The following EYS variants were observed in gnomAD, a reference collection of about 807,000 sequenced individuals.
The protein encoded by EYS is EGF-like photoreceptor maintenance factor.
A neutral mutation model predicts 282.1 loss-of-function variants in EYS; 250 were observed. The observed-to-expected ratio is 0.89, with a 90% confidence interval of 0.80 to 0.98. EYS has a LOEUF of 0.98. EYS is among the 50% of genes least tolerant of loss of function. EYS has a pLI of 0.00. For missense variants in EYS, 4,016 were observed against 3,709.0 expected (o/e 1.08, Z -2.15); for synonymous variants, 1,355 against 1,282.9 (o/e 1.06, Z -1.20).
Position 65,086,328 on chromosome 6 carries a change from TA to T in EYS, c.2024-28602del, listed in dbSNP as rs368439314. Among the ~76,000 whole-genome samples the T allele has an allele frequency of 7.2e-4, 105 of 146,816 alleles. 1 individual carries two copies. The highest frequency in any genetic ancestry group is 2.1e-3 in the African/African-American group (86 of 40,244). On this transcript the variant is annotated intron_variant, in intron 12 of 42. Transcript: ENST00000503581. ...GAGACTCCATCTCAAAAAAACTAAA[TA>T]AAAAAAAAAGAAGACTACAGCTTAC... is the stretch of plus-strand genomic sequence containing the variant.
At chr6:65,265,831 T>C (rs1387051379) in intron 12 of EYS, among the ~76,000 whole-genome samples, 1 of 151,956 alleles carries the variant, frequency 6.6e-6, no homozygotes, top group Non-Finnish European at 1.5e-5. Context: ...TTAAGCCATT[T>C]AACCTAGGAT....
chr6:63,874,908 C>A (rs1461564148), intron 35 of EYS, among the ~76,000 whole-genome samples: 1 of 152,158 alleles, frequency 6.6e-6, no homozygotes, highest in Non-Finnish European at 1.5e-5. Context: ...ACAATCATGT[C>A]ATCTGCAAAC....
chr6:63,745,185 G>C (rs1769182879), intron 41 of EYS, among the ~76,000 whole-genome samples: 1 of 152,212 alleles, frequency 6.6e-6, no homozygotes, highest in Non-Finnish European at 1.5e-5. Flanking sequence ...GTGGACAAGA[G>C]AGAAGCCTAG....
At chr6:65,083,347 A>T (rs1023841036) in intron 12 of EYS, among the ~76,000 whole-genome samples, 1 of 151,998 alleles carries the variant, frequency 6.6e-6, no homozygotes, top group Non-Finnish European at 1.5e-5. Flanking sequence ...TCAATTGGCT[A>T]TACAACCTAG....
intron 2 of EYS, among the ~76,000 whole-genome samples, chr6:65,571,626 T>A (rs1275476599): frequency 6.6e-6 from 1 of 152,048 alleles, no homozygotes; most frequent in Non-Finnish European, 1.5e-5. Flanking sequence ...GGGTAACATA[T>A]TCTGATCCAC....
chr6:65,281,376 A>G (rs993995856), intron 12 of EYS, among the ~76,000 whole-genome samples: 1 of 152,150 alleles, frequency 6.6e-6, no homozygotes, highest in African/African-American at 2.4e-5. Flanking sequence ...ATTTCCTTTT[A>G]TAACTCACAA....
At chr6:64,575,471 A>G (rs1241377859) in intron 26 of EYS, among the ~76,000 whole-genome samples, 1 of 152,144 alleles carries the variant, frequency 6.6e-6, no homozygotes, top group Non-Finnish European at 1.5e-5. Context: ...AGACAGCTTC[A>G]TGGCAGAAGC....
At chr6:65,039,678 C>A (rs1583424938) in intron 13 of EYS, among the ~76,000 whole-genome samples, 1 of 151,352 alleles carries the variant, frequency 6.6e-6, no homozygotes, top group East Asian at 1.9e-4. Context: ...AAAATATTAA[C>A]CATAAATATT....
intron 2 of EYS, among the ~76,000 whole-genome samples, chr6:65,517,998 T>A (rs1479841438): frequency 1.3e-5 from 2 of 152,008 alleles, no homozygotes; most frequent in African/African-American, 4.8e-5. Flanking sequence ...ATTAACGACA[T>A]GATTCTTAAT....
chr6:63,817,453 TG>T (rs756190693), intron 36 of EYS, among the ~76,000 whole-genome samples: 7 of 152,262 alleles, frequency 4.6e-5, no homozygotes, highest in Admixed American at 6.5e-5. Flanking sequence ...ACGGGTAGCT[TG>T]GGGACCTGTT....
At chr6:64,970,547 G>C (rs1303287270) in intron 14 of EYS, among the ~76,000 whole-genome samples, 1 of 152,122 alleles carries the variant, frequency 6.6e-6, no homozygotes, top group East Asian at 1.9e-4. Flanking sequence ...GTGATCCCAA[G>C]TGTTATGAGT....
intron 12 of EYS, among the ~76,000 whole-genome samples, chr6:65,096,222 T>C (rs1774736089): frequency 6.6e-6 from 1 of 150,772 alleles, no homozygotes; most frequent in Admixed American, 6.6e-5. Context: ...AACAAACTAA[T>C]AATGAAATTA....
intron 19 of EYS, among the ~76,000 whole-genome samples, chr6:64,846,004 T>C (rs1291369390): frequency 1.3e-5 from 2 of 152,070 alleles, no homozygotes; most frequent in Middle Eastern, 3.4e-3. Flanking sequence ...TTTTGTTTTC[T>C]TCAACTTAAC....
In EYS at chr6:64,299,830, C is replaced by T. The variant is rs115496317; in HGVS notation, c.6191+7140G>A. Among the ~76,000 whole-genome samples the T allele has an allele frequency of 6.1e-3, 932 of 152,188 alleles. 8 individuals carry two copies. Among genetic ancestry groups the T allele is most frequent in the African/African-American group, 0.021 (891 of 41,520 alleles). On this transcript the variant is annotated intron_variant, in intron 30 of 42. Transcript: ENST00000503581. Reference sequence around the variant, plus strand: ...AATCTTAACATCATCAGCAGTGGGTCCCAGTATCATCTCTAACACTATGGG... The same window carrying T: ...AATCTTAACATCATCAGCAGTGGGTTCCAGTATCATCTCTAACACTATGGG...
chr6:64,749,192 C>T (rs1346543590), intron 22 of EYS, among the ~76,000 whole-genome samples: 1 of 152,106 alleles, frequency 6.6e-6, no homozygotes, highest in Non-Finnish European at 1.5e-5. Flanking sequence ...ATATTAAACC[C>T]TAGTTCTTAT....
chr6:64,506,815 A>G (rs1273488986), intron 26 of EYS, among the ~76,000 whole-genome samples: 2 of 149,630 alleles, frequency 1.3e-5, no homozygotes, highest in African/African-American at 2.5e-5. Flanking sequence ...AGGCTGAGGC[A>G]GGAAAATGGC....
intron 30 of EYS, among the ~76,000 whole-genome samples, chr6:64,267,478 C>T (rs1159107174): frequency 6.6e-6 from 1 of 152,068 alleles, no homozygotes; most frequent in Non-Finnish European, 1.5e-5. Flanking sequence ...TGTAATGAAG[C>T]TTCATTCTTC....
At chr6:64,912,417 G>A in intron 16 of EYS, 67 bp downstream of exon 16, 1 of 1,437,458 alleles carries the variant, frequency 7.0e-7, no homozygotes, top group Non-Finnish European at 9.6e-7. Context: ...TCATCCCATA[G>A]GCACAATAAA....
intron 23 of EYS, among the ~76,000 whole-genome samples, chr6:64,624,822 T>C (rs919318259): frequency 6.6e-6 from 1 of 152,106 alleles, no homozygotes; most frequent in Non-Finnish European, 1.5e-5. Context: ...AACCCTAGGG[T>C]TTCCATAGGC....
Sources: gnomAD v4.1 joint callset for allele counts (sites outside exome capture counted in the v4.1 genomes callset) on GRCh38, gnomAD v4.1.1 for gene constraint, MANE v1.5 for transcripts, NCBI Gene and HGNC (gene_info 2026-07-23, HGNC 2026-07-21) for gene names.